The following TENM2 variants were observed in gnomAD, a reference collection of about 807,000 sequenced individuals.
The protein encoded by TENM2 is teneurin transmembrane protein 2.
A neutral mutation model predicts 245.2 loss-of-function variants in TENM2; 52 were observed. The observed-to-expected ratio is 0.21, with a 90% CI of 0.17 to 0.27. The LOEUF is 0.27. Among genes scored for constraint, TENM2 ranks in the 10% least tolerant of loss-of-function variants. The pLI is 1.00. For synonymous variants in TENM2, 1,363 were observed against 1,438.9 expected (o/e 0.95, Z 1.19); for missense variants, 3,046 against 3,666.8 (o/e 0.83, Z 4.37).
the TENM2 span, among the ~76,000 whole-genome samples, chr5:166,996,077 C>T: frequency 6.6e-6 from 1 of 152,108 alleles, no homozygotes; most frequent in Non-Finnish European, 1.5e-5. Flanking sequence ...GGCGCAGTGA[C>T]TCACGTCTGT....
chr5:168,127,386 C>T (rs1361451454), intron 12 of TENM2, among the ~76,000 whole-genome samples: 2 of 152,230 alleles, frequency 1.3e-5, no homozygotes, highest in Non-Finnish European at 2.9e-5. Flanking sequence ...TCAGGTTAGA[C>T]GCAGGCAGGA....
In TENM2 at chr5:168,194,837, A is replaced by G. The variant is rs145443086; in HGVS notation, c.2781-339A>G. Among the ~76,000 whole-genome samples the G allele has an allele frequency of 1.7e-3, 258 of 152,300 alleles. 1 individual carries two copies. Among genetic ancestry groups the G allele is most frequent in the Middle Eastern group, 6.8e-3 (2 of 294 alleles). ...CAGATGTGGAAGCTCTCACCCGAGT[A>G]TGGCACTCTCGGTGCCAGGCTAAAG... On this transcript the variant is annotated intron_variant, in intron 14 of 28. Transcript: ENST00000518659.
Position 168,217,622 on chromosome 5 carries a change from A to T in TENM2, c.4234-503A>T, listed in dbSNP as rs561658815. Among the ~76,000 whole-genome samples, 21 of 152,330 alleles carry T rather than the reference A, an allele frequency of 1.4e-4. No individual in the cohort carries two copies. In the East Asian group the frequency reaches 3.9e-3, roughly 28 times the overall value. Reference sequence around the variant, plus strand: ...GTTTATTTTTTAAAGCAGACACTCAAGTTGTAGTTTGCTGGAGAGCCTGCA... The same window carrying T: ...GTTTATTTTTTAAAGCAGACACTCATGTTGTAGTTTGCTGGAGAGCCTGCA... On this transcript the variant is annotated intron_variant, in intron 22 of 28. Coordinates refer to ENST00000518659, the Ensembl canonical transcript of TENM2.
intron 20 of TENM2, 164 bp from the exon 23 acceptor site, chr5:168,214,876 A>G: frequency 1.4e-6 from 1 of 704,996 alleles, no homozygotes; most frequent in South Asian, 1.5e-5. Flanking sequence ...AAGAACCATG[A>G]TGTGTTAGAA....
At chr5:167,825,006 T>C (rs935702198) in intron 2 of TENM2, among the ~76,000 whole-genome samples, 6 of 152,180 alleles carry the variant, frequency 3.9e-5, no homozygotes, top group Non-Finnish European at 7.3e-5. Context: ...AGAAGAGCTT[T>C]GACAAATACA....
chr5:167,360,494 G>A (rs1759644984), intron 1 of TENM2, among the ~76,000 whole-genome samples: 1 of 152,130 alleles, frequency 6.6e-6, no homozygotes, highest in African/African-American at 2.4e-5. Context: ...CTCTTCTCAT[G>A]TATTCCCAGC....
At chr5:167,703,204 A>G (rs1338101785) in intron 2 of TENM2, among the ~76,000 whole-genome samples, 1 of 152,216 alleles carries the variant, frequency 6.6e-6, no homozygotes, top group Admixed American at 6.5e-5. Context: ...TATATGCTAA[A>G]TGACACCTAT....
At chr5:167,758,503 C>T (rs1424098236) in intron 2 of TENM2, among the ~76,000 whole-genome samples, 1 of 152,146 alleles carries the variant, frequency 6.6e-6, no homozygotes, top group Non-Finnish European at 1.5e-5. Flanking sequence ...CCAGCTTCCT[C>T]CTTGTCATTG....
At chr5:167,622,532 C>G (rs879098205) in intron 2 of TENM2, among the ~76,000 whole-genome samples, 4 of 151,886 alleles carry the variant, frequency 2.6e-5, no homozygotes, top group East Asian at 1.9e-4. Context: ...ATTAAATGAG[C>G]CTTGGGACCC....
chr5:167,391,232 C>A (rs913856705), intron 2 of TENM2, among the ~76,000 whole-genome samples: 1 of 152,014 alleles, frequency 6.6e-6, no homozygotes, highest in African/African-American at 2.4e-5. Context: ...AATGGTGTAG[C>A]CTTCACCAAA....
At chr5:167,754,628 A>G (rs1024088235) in intron 2 of TENM2, among the ~76,000 whole-genome samples, 2 of 151,956 alleles carry the variant, frequency 1.3e-5, no homozygotes, top group African/African-American at 4.8e-5. Context: ...AAAAAAAAAA[A>G]TTAAGTATAC....
chr5:167,359,341 A>G (rs1420988533), intron 1 of TENM2, among the ~76,000 whole-genome samples: 1 of 152,112 alleles, frequency 6.6e-6, no homozygotes, highest in Admixed American at 6.5e-5. Flanking sequence ...TGTGCCAGGC[A>G]TGCTCCTTCC....
chr5:168,048,323 G>A (rs1161342345), intron 6 of TENM2, among the ~76,000 whole-genome samples: 1 of 152,012 alleles, frequency 6.6e-6, no homozygotes, highest in African/African-American at 2.4e-5. Flanking sequence ...AATTCGGGAT[G>A]GAAATCGCAA....
chr5:167,581,978 A>G (rs1184059585), intron 2 of TENM2, among the ~76,000 whole-genome samples: 2 of 152,196 alleles, frequency 1.3e-5, no homozygotes, highest in Admixed American at 6.5e-5. Flanking sequence ...GTATCTCTAC[A>G]TTTTACATGT....
intron 2 of TENM2, among the ~76,000 whole-genome samples, chr5:167,512,125 A>G (rs1465953296): frequency 6.6e-6 from 1 of 152,200 alleles, no homozygotes; most frequent in East Asian, 1.9e-4. Context: ...AGATTTGACT[A>G]TTAAAAAACT....
chr5:167,199,286 AG>A, the TENM2 span, among the ~76,000 whole-genome samples: 1 of 152,082 alleles, frequency 6.6e-6, no homozygotes, highest in African/African-American at 2.4e-5. Flanking sequence ...TACTTTCAGT[AG>A]CACAGAGAAT....
intron 12 of TENM2, among the ~76,000 whole-genome samples, chr5:168,159,686 T>A (rs1470832970): frequency 1.3e-5 from 2 of 152,198 alleles, no homozygotes; most frequent in African/African-American, 4.8e-5. Flanking sequence ...AAAAGCAAAG[T>A]CCTGTCCGTT....
intron 5 of TENM2, among the ~76,000 whole-genome samples, chr5:167,998,752 A>G (rs1026158135): frequency 6.6e-6 from 1 of 152,158 alleles, no homozygotes; most frequent in African/African-American, 2.4e-5. Flanking sequence ...GTGAAATACT[A>G]TGTTTGAAGT....
chr5:168,104,778 A>T (rs2152296869), intron 9 of TENM2, among the ~76,000 whole-genome samples: 1 of 152,238 alleles, frequency 6.6e-6, no homozygotes, highest in Non-Finnish European at 1.5e-5. Context: ...CCCTGAGAGG[A>T]TCCAATGGCA....
Sources: allele counts gnomAD v4.1 joint callset (sites outside exome capture counted in the v4.1 genomes callset), GRCh38; gene constraint gnomAD v4.1.1; transcripts MANE v1.5; gene names NCBI Gene and HGNC (gene_info 2026-07-23, HGNC 2026-07-21).